The following DROSHA variants were observed in gnomAD, a reference collection of about 807,000 sequenced individuals.
DROSHA encodes ribonuclease 3.
In DROSHA, 56 loss-of-function variants were observed where a neutral mutation model predicts 181.9. The ratio of observed to expected loss-of-function variants is 0.31; its 90% CI spans 0.25 to 0.38. The LOEUF is 0.38. Ranked by LOEUF, DROSHA falls within the 10% of genes least tolerant of loss-of-function variation. The pLI is 1.00. For missense variants in DROSHA, 1,218 were observed against 1,743.5 expected (o/e 0.70, Z 5.37); for synonymous variants, 524 against 591.2 (o/e 0.89, Z 1.65).
At chr5:31,403,532 G>C (rs553147756) in intron 35 of DROSHA, among the ~76,000 whole-genome samples, 1 of 152,106 alleles carries the variant, frequency 6.6e-6, no homozygotes, top group South Asian at 2.1e-4. Flanking sequence ...ACTTATTCTA[G>C]TATAAGCATT....
intron 20 of DROSHA, among the ~76,000 whole-genome samples, chr5:31,455,831 A>G (rs1483421720): frequency 6.6e-6 from 1 of 151,954 alleles, no homozygotes; most frequent in Non-Finnish European, 1.5e-5. Flanking sequence ...TTGTAGAGAC[A>G]GGGTTTCGCC....
At chr5:31,431,811 T>C (rs898385646) in intron 25 of DROSHA, 133 bp from the exon 26 acceptor site, 12 of 722,852 alleles carry the variant, frequency 1.7e-5, no homozygotes, top group Admixed American at 1.0e-4. Context: ...TCCATGAATA[T>C]ATTAAGAGAG....
intron 16 of DROSHA, among the ~76,000 whole-genome samples, chr5:31,474,785 G>A (rs1750171005): frequency 6.6e-6 from 1 of 152,136 alleles, no homozygotes; most frequent in African/African-American, 2.4e-5. Context: ...ACATGAAAGA[G>A]CTTGCTTCCT....
rs372438668 is a variant in DROSHA, at chr5:31,444,664, G to T, written c.2882+3883C>A. ...ATGCAGCCATGTTAGAGGGCTATGG[G>T]TATATAGAATTCTACTTATTAAAAT... On this transcript the variant is annotated intron_variant, in intron 23 of 35. Transcript: ENST00000344624. Among the ~76,000 whole-genome samples, 9 of 152,232 alleles carry T rather than the reference G, an allele frequency of 5.9e-5. No homozygotes were observed. In the East Asian group the frequency reaches 1.4e-3, roughly 23 times the overall value.
intron 8 of DROSHA, among the ~76,000 whole-genome samples, chr5:31,512,953 C>T (rs1580353002): frequency 6.6e-6 from 1 of 152,336 alleles, no homozygotes; most frequent in Admixed American, 6.5e-5. Flanking sequence ...GAGCACAGAC[C>T]TGCTGACATC....
chr5:31,467,806 C>A (rs1749258714), intron 18 of DROSHA, 133 bp downstream of exon 18: 2 of 1,205,004 alleles, frequency 1.7e-6, no homozygotes, highest in African/African-American at 3.1e-5. Context: ...TTTGGGTAAT[C>A]TAAATTGGAA....
chr5:31,461,521 G>A (rs1008054813), intron 20 of DROSHA, among the ~76,000 whole-genome samples: 4 of 152,074 alleles, frequency 2.6e-5, no homozygotes, highest in East Asian at 1.9e-4. Context: ...AAGAGTCAAG[G>A]GAGTTTCAAA....
intron 23 of DROSHA, among the ~76,000 whole-genome samples, chr5:31,447,183 A>G (rs1746411391): frequency 6.6e-6 from 1 of 152,134 alleles, no homozygotes; most frequent in African/African-American, 2.4e-5. Context: ...ACCAAATACC[A>G]CAGGTTACAT....
intron 20 of DROSHA, among the ~76,000 whole-genome samples, chr5:31,456,328 T>G (rs1407965825): frequency 6.6e-6 from 1 of 151,950 alleles, no homozygotes; most frequent in Non-Finnish European, 1.5e-5. Flanking sequence ...AAGAAATACA[T>G]AAAGAGTAGG....
intron 5 of DROSHA, among the ~76,000 whole-genome samples, chr5:31,525,159 C>T (rs986298294): frequency 6.6e-6 from 1 of 151,786 alleles, no homozygotes; most frequent in Admixed American, 6.6e-5. Context: ...GGCAAAACCC[C>T]GTCTCTACTA....
intron 23 of DROSHA, among the ~76,000 whole-genome samples, chr5:31,446,220 G>A (rs1479305861): frequency 4.0e-5 from 6 of 151,456 alleles, no homozygotes; most frequent in Non-Finnish European, 7.4e-5. Context: ...GCCAAGGCGG[G>A]CGGATCACAA....
chr5:31,481,610 A>C (rs1751043357), intron 16 of DROSHA, among the ~76,000 whole-genome samples: 1 of 152,236 alleles, frequency 6.6e-6, no homozygotes, highest in Non-Finnish European at 1.5e-5. Context: ...ACCAGATATA[A>C]AAAGGAGAAA....
intron 27 of DROSHA, among the ~76,000 whole-genome samples, chr5:31,425,959 T>C (rs1743416898): frequency 6.6e-6 from 1 of 152,106 alleles, no homozygotes; most frequent in Non-Finnish European, 1.5e-5. Flanking sequence ...TAGAAAGTAC[T>C]ACTATTAATA....
intron 16 of DROSHA, among the ~76,000 whole-genome samples, chr5:31,476,430 G>A (rs1310084225): frequency 1.3e-5 from 2 of 152,128 alleles, no homozygotes; most frequent in Non-Finnish European, 2.9e-5. Context: ...TTCTTATTTA[G>A]GTACAACGCT....
intron 6 of DROSHA, 68 bp downstream of exon 6, chr5:31,521,055 T>C (rs940251414): frequency 1.3e-6 from 2 of 1,542,338 alleles, no homozygotes; most frequent in African/African-American, 2.7e-5. Flanking sequence ...TGTTGCTCCA[T>C]ACAAGCACAA....
intron 20 of DROSHA, among the ~76,000 whole-genome samples, chr5:31,454,780 AAC>A (rs1234179519): frequency 6.6e-6 from 1 of 151,942 alleles, no homozygotes; most frequent in Non-Finnish European, 1.5e-5. Context: ...CTCTACTAAA[AAC>A]ACAAAAAATT....
chr5:31,526,233 G>A lies in DROSHA; in HGVS notation c.700C>T (p.Arg234Ter). Residue 234 changes from arginine (R) to a stop codon, truncating the protein, a stop_gained, in exon 5 of 36, where the codon CGA becomes TGA. Transcript: ENST00000344624. LOFTEE classifies it high-confidence loss of function. ...RLKHYDDHRH[R>*]DHSHGRGERH... ...TCACCTCGCCCATGACTGTGATCTCGGTGCCTGTGGTCATCATAGTGTTTC... is the reference window on the plus strand; with the variant it reads ...TCACCTCGCCCATGACTGTGATCTCAGTGCCTGTGGTCATCATAGTGTTTC... 2 of 1,613,902 alleles carry A rather than the reference G, an allele frequency of 1.2e-6. No individual in the cohort carries two copies. The highest frequency in any genetic ancestry group is 1.7e-6 in the Non-Finnish European group (2 of 1,179,862).
intron 30 of DROSHA, among the ~76,000 whole-genome samples, chr5:31,421,058 C>T (rs1438758482): frequency 6.6e-6 from 1 of 152,184 alleles, no homozygotes; most frequent in Non-Finnish European, 1.5e-5. Context: ...CAATATTTTG[C>T]ACAGAGTAGG....
At chr5:31,423,020 T>C (rs1206604564) in intron 28 of DROSHA, 76 bp from the exon 29 acceptor site, 1 of 1,279,542 alleles carries the variant, frequency 7.8e-7, no homozygotes, top group African/African-American at 1.6e-5. Context: ...TCTAGGACAG[T>C]GTTTTGTAAA....
Sources: gnomAD v4.1 joint callset for allele counts (sites outside exome capture counted in the v4.1 genomes callset) on GRCh38, gnomAD v4.1.1 for gene constraint, MANE v1.5 for transcripts, NCBI Gene and HGNC (gene_info 2026-07-23, HGNC 2026-07-21) for gene names.